ELMOD1: variants seen among roughly 807,000 people sequenced by gnomAD.
ELMOD1 encodes the protein ELMO domain containing 1, also known as ELMO domain-containing protein 1.
In ELMOD1, 21 loss-of-function variants were observed where a neutral mutation model predicts 46.7. The observed-to-expected ratio is 0.45, with a 90% confidence interval of 0.32 to 0.65. The LOEUF is 0.65. ELMOD1 is among the 30% of genes least tolerant of loss of function. ELMOD1 has a pLI of 0.04. For missense variants in ELMOD1, 348 were observed against 407.8 expected (o/e 0.85, Z 1.26); for synonymous variants, 122 against 138.2 (o/e 0.88, Z 0.82).
At chr11:107,623,680 C>T (rs1865992276) in intron 2 of ELMOD1, 1 of 152,156 alleles carries the variant, frequency 6.6e-6, no homozygotes, top group African/African-American at 2.4e-5. Context: ...GGGTGTTTTG[C>T]TTTTATAGAA....
At chr11:107,598,812 A>G (rs1332811889) in intron 1 of ELMOD1, among the ~76,000 whole-genome samples, 1 of 152,236 alleles carries the variant, frequency 6.6e-6, no homozygotes, top group Non-Finnish European at 1.5e-5. Flanking sequence ...ATTTTTGGCT[A>G]CATAGCCTCC....
intron 1 of ELMOD1, among the ~76,000 whole-genome samples, chr11:107,599,995 G>GT (rs1865569913): frequency 6.6e-6 from 1 of 151,908 alleles, no homozygotes; most frequent in Admixed American, 6.6e-5. Context: ...TTTCTTGGCT[G>GT]TAAAAAAAAT....
At chr11:107,606,692 G>A (rs144558047) in intron 1 of ELMOD1, among the ~76,000 whole-genome samples, 1,861 of 152,198 alleles carry the variant, frequency 0.012, 136 homozygotes, top group Admixed American at 0.11. Context: ...AAAATTAGCC[G>A]GGTGTGGTGG....
chr11:107,598,425 C>G (rs1865531189), intron 1 of ELMOD1, among the ~76,000 whole-genome samples: 2 of 152,226 alleles, frequency 1.3e-5, no homozygotes, highest in Non-Finnish European at 2.9e-5. Context: ...AAATGACTTA[C>G]TGAGGCCACC....
intron 5 of ELMOD1, among the ~76,000 whole-genome samples, chr11:107,632,257 TTCCACTGGG>T (rs758776890): frequency 6.6e-5 from 10 of 152,228 alleles, no homozygotes; most frequent in Non-Finnish European, 1.2e-4. Context: ...GCTTTATATT[TTCCACTGGG>T]TACAGCAATT....
intron 6 of ELMOD1, among the ~76,000 whole-genome samples, chr11:107,645,626 G>GC (rs1866416032): frequency 6.6e-6 from 1 of 152,118 alleles, no homozygotes; most frequent in South Asian, 2.1e-4. Context: ...CGCCCGGCCA[G>GC]TTTGTGTTTT....
chr11:107,648,435 G>A (rs1300846295), intron 7 of ELMOD1, among the ~76,000 whole-genome samples: 1 of 152,174 alleles, frequency 6.6e-6, no homozygotes, highest in African/African-American at 2.4e-5. Context: ...CATCACAGCG[G>A]GAGGCCTTCA....
At chr11:107,658,536 T>C (rs1866673887) in intron 11 of ELMOD1, among the ~76,000 whole-genome samples, 1 of 152,166 alleles carries the variant, frequency 6.6e-6, no homozygotes, top group Admixed American at 6.5e-5. Context: ...ATACTTAAAA[T>C]GTAGTGGGTC....
At chr11:107,601,957 G>A (rs1865607499) in intron 1 of ELMOD1, among the ~76,000 whole-genome samples, 2 of 152,022 alleles carry the variant, frequency 1.3e-5, no homozygotes, top group South Asian at 4.1e-4. Flanking sequence ...CCTTTCTCCA[G>A]TATGGGATTT....
intron 10 of ELMOD1, among the ~76,000 whole-genome samples, chr11:107,655,238 A>G (rs1591137269): frequency 6.6e-6 from 1 of 152,172 alleles, no homozygotes; most frequent in Admixed American, 6.5e-5. Context: ...GATAGTTTTA[A>G]TCAGGTGTAG....
chr11:107,644,261 A>G (rs1866377930), intron 6 of ELMOD1, among the ~76,000 whole-genome samples: 1 of 150,822 alleles, frequency 6.6e-6, no homozygotes, highest in South Asian at 2.1e-4. Flanking sequence ...ATGCCACTAC[A>G]CTCCAGCCTG....
intron 1 of ELMOD1, among the ~76,000 whole-genome samples, chr11:107,606,549 T>TTAAAAC (rs1865687660): frequency 6.6e-6 from 1 of 152,176 alleles, no homozygotes; most frequent in African/African-American, 2.4e-5. Flanking sequence ...AAAACTACAT[T>TTAAAAC]GGCGGCAGAG....
At chr11:107,616,084 C>T (rs1865859234) in intron 1 of ELMOD1, among the ~76,000 whole-genome samples, 2 of 144,898 alleles carry the variant, frequency 1.4e-5, no homozygotes. Flanking sequence ...CAACCTCTGC[C>T]TCCCAGGTTC....
intron 7 of ELMOD1, among the ~76,000 whole-genome samples, chr11:107,649,338 C>T (rs958404414): frequency 1.3e-5 from 2 of 152,010 alleles, no homozygotes; most frequent in Non-Finnish European, 2.9e-5. Flanking sequence ...AAAGCATCAA[C>T]TGGAAAAGAA....
At chr11:107,654,333 T>C in intron 10 of ELMOD1, 111 bp downstream of exon 10, 1 of 917,240 alleles carries the variant, frequency 1.1e-6, no homozygotes, top group Non-Finnish European at 1.7e-6. Flanking sequence ...AATAGAAATA[T>C]ACAATCTGGT....
intron 1 of ELMOD1, among the ~76,000 whole-genome samples, chr11:107,608,630 C>T (rs1017684909): frequency 6.6e-6 from 1 of 152,006 alleles, no homozygotes; most frequent in South Asian, 2.1e-4. Context: ...GGAAATGAAG[C>T]CTCAGTAAAG....
chr11:107,591,656 C>A, intron 1 of ELMOD1: 1 of 364,530 alleles, frequency 2.7e-6, no homozygotes, highest in Non-Finnish European at 5.7e-6. Flanking sequence ...ACCCGAGAGG[C>A]TGCAGGTCGG....
chr11:107,620,650 G>A (rs187661052), intron 2 of ELMOD1, among the ~76,000 whole-genome samples: 36 of 152,284 alleles, frequency 2.4e-4, no homozygotes, highest in African/African-American at 7.5e-4. Context: ...GGCAGATCAC[G>A]AGGTCAAGAG....
chr11:107,642,987 G>A (rs528716863), intron 6 of ELMOD1: 22 of 262,824 alleles, frequency 8.4e-5, no homozygotes, highest in African/African-American at 4.2e-4. Flanking sequence ...CACAAACTTA[G>A]TGATACAAAA....
Sources: gnomAD v4.1 joint callset for allele counts (sites outside exome capture counted in the v4.1 genomes callset) on GRCh38, gnomAD v4.1.1 for gene constraint, MANE v1.5 for transcripts, NCBI Gene and HGNC (gene_info 2026-07-23, HGNC 2026-07-21) for gene names.